The following PCBP3 variants were observed in gnomAD, a reference collection of about 807,000 sequenced individuals.
PCBP3 encodes the protein poly(rC)-binding protein 3.
A neutral mutation model predicts 52.7 loss-of-function variants in PCBP3; 25 were observed. The ratio of observed to expected loss-of-function variants is 0.47; its 90% CI spans 0.35 to 0.66. The LOEUF is 0.66. Ranked by LOEUF, PCBP3 falls within the 30% of genes least tolerant of loss-of-function variation. The probability of loss-of-function intolerance (pLI) is 0.01; values close to 1 mark genes in which losing one functional copy is unlikely to be tolerated. For missense variants in PCBP3, 391 were observed against 490.3 expected (o/e 0.80, Z 1.91); for synonymous variants, 162 against 183.0 (o/e 0.89, Z 0.93).
chr21:45,918,091 A>C, intron 13 of PCBP3: 6 of 235,494 alleles, frequency 2.5e-5, no homozygotes, highest in Non-Finnish European at 5.1e-5. Flanking sequence ...CCACATGAAA[A>C]CATAGGGTCC....
intron 4 of PCBP3, among the ~76,000 whole-genome samples, chr21:45,807,236 G>A (rs2092534993): frequency 6.6e-6 from 1 of 152,188 alleles, no homozygotes; most frequent in East Asian, 1.9e-4. Context: ...TAGGAAGAAA[G>A]GAAGTCAAAT....
At chr21:45,654,390 G>C (rs1454982527) in intron 1 of PCBP3, among the ~76,000 whole-genome samples, 4 of 146,822 alleles carry the variant, frequency 2.7e-5, no homozygotes, top group Non-Finnish European at 5.9e-5. Context: ...TGCCAGGCTG[G>C]AGTGCAGTGA....
chr21:45,891,372 A>G (rs553043127), intron 5 of PCBP3, among the ~76,000 whole-genome samples: 23 of 152,366 alleles, frequency 1.5e-4, no homozygotes, highest in African/African-American at 5.5e-4. Context: ...GTTGAGTGGA[A>G]GAGCCAGTGG....
Position 45,835,113 on chromosome 21 carries a change from T to A in PCBP3, c.-125-14848T>A, listed in dbSNP as rs9981141. Among the ~76,000 whole-genome samples, 366 of 152,234 alleles carry A rather than the reference T, an allele frequency of 2.4e-3. 1 individual carries two copies. Among genetic ancestry groups the A allele is most frequent in the African/African-American group, 8.4e-3 (351 of 41,558 alleles). ...GTTCCTGTGGGTTCATTTATGAGGATGTAGGAATCATAGGAGTTAGGTACA... is the reference window on the plus strand; with the variant it reads ...GTTCCTGTGGGTTCATTTATGAGGAAGTAGGAATCATAGGAGTTAGGTACA... On this transcript the variant is annotated intron_variant, in intron 4 of 17. Coordinates refer to ENST00000681687, the MANE Select transcript of PCBP3 (RefSeq NM_001384156.1).
At chr21:45,909,049 G>C (rs1002421614) in intron 9 of PCBP3, among the ~76,000 whole-genome samples, 6 of 151,952 alleles carry the variant, frequency 3.9e-5, no homozygotes, top group African/African-American at 1.5e-4. Context: ...CACACTTCCT[G>C]TATCAGCCTG....
chr21:45,898,728 C>T (rs1158019812), intron 6 of PCBP3, among the ~76,000 whole-genome samples: 3 of 50,132 alleles, frequency 6.0e-5, no homozygotes, highest in African/African-American at 4.0e-4. Flanking sequence ...TCTGCCTCCA[C>T]GGGCCCCTCT....
intron 5 of PCBP3, among the ~76,000 whole-genome samples, chr21:45,863,348 T>G (rs2094579150): frequency 6.6e-6 from 1 of 152,218 alleles, no homozygotes; most frequent in African/African-American, 2.4e-5. Flanking sequence ...AGCTCGTGTC[T>G]TAGGAGCTGT....
intron 2 of PCBP3, among the ~76,000 whole-genome samples, chr21:45,709,957 A>G (rs866583758): frequency 5.3e-5 from 8 of 151,950 alleles, no homozygotes; most frequent in South Asian, 2.1e-4. Flanking sequence ...ATCTGCTGGG[A>G]TCTGGTGTTT....
chr21:45,911,613 G>GA (rs1349346735), intron 11 of PCBP3, among the ~76,000 whole-genome samples: 1 of 152,094 alleles, frequency 6.6e-6, no homozygotes, highest in African/African-American at 2.4e-5. Flanking sequence ...TCGGGGGGAG[G>GA]AAAAAACTCA....
At chr21:45,906,787 T>C (rs924450875) in intron 9 of PCBP3, among the ~76,000 whole-genome samples, 7 of 152,230 alleles carry the variant, frequency 4.6e-5, no homozygotes, top group Non-Finnish European at 8.8e-5. Flanking sequence ...CTCTGCCTAC[T>C]AAATTTTCAG....
rs1337304479 is a variant in PCBP3, at chr21:45,791,338, A to G, written c.-126+35886A>G. Among the ~76,000 whole-genome samples the G allele has an allele frequency of 6.6e-6, 1 of 152,214 alleles. No individual in the cohort carries two copies. Among genetic ancestry groups the G allele is most frequent in the Non-Finnish European group, 1.5e-5 (1 of 68,028 alleles). On this transcript the variant is annotated intron_variant, in intron 4 of 17. Coordinates refer to ENST00000681687, the MANE Select transcript of PCBP3 (RefSeq NM_001384156.1). This position sits in a 1 kb window ranked among gnomAD's most constrained non-coding sequence, Gnocchi z 4.2. The stretch of plus-strand genomic sequence containing the variant: ...GCCAGCCCAGGGAGTGAGTGTGGTC[A>G]CTGGTGTGTGTGGCCTGCCTGTGGT...
intron 1 of PCBP3, among the ~76,000 whole-genome samples, chr21:45,657,755 T>TATTA (rs2080111530): frequency 6.6e-6 from 1 of 152,148 alleles, no homozygotes; most frequent in Non-Finnish European, 1.5e-5. Flanking sequence ...AGGTTAACAA[T>TATTA]ATTAAGTTTT....
At chr21:45,824,043 G>C (rs1212675073) in intron 4 of PCBP3, among the ~76,000 whole-genome samples, 1 of 152,148 alleles carries the variant, frequency 6.6e-6, no homozygotes, top group Non-Finnish European at 1.5e-5. Flanking sequence ...GGCTCGGCCT[G>C]TTTGTTTCTT....
intron 3 of PCBP3, among the ~76,000 whole-genome samples, chr21:45,740,101 G>A (rs541076593): frequency 4.7e-4 from 70 of 147,922 alleles, no homozygotes; most frequent in Non-Finnish European, 8.9e-4. Flanking sequence ...CTCAGCTGGC[G>A]TCTATGCCTC....
At chr21:45,874,610 A>G (rs1179704003) in intron 5 of PCBP3, among the ~76,000 whole-genome samples, 1 of 150,068 alleles carries the variant, frequency 6.7e-6, no homozygotes, top group African/African-American at 2.5e-5. Context: ...GGTTCAAACG[A>G]TTCTCCTGCT....
chr21:45,807,690 A>C (rs1339810449), intron 4 of PCBP3, among the ~76,000 whole-genome samples: 1 of 152,034 alleles, frequency 6.6e-6, no homozygotes, highest in Admixed American at 6.5e-5. Flanking sequence ...ACTACTCTAA[A>C]TTTCATATGG....
chr21:45,929,720 G>A lies in PCBP3; in HGVS notation c.718-197G>A, dbSNP rs930979712. 5.3e-5 allele frequency among the ~76,000 whole-genome samples: 8 copies of A among 152,214 alleles called. No individual in the cohort carries two copies. In the East Asian group the frequency reaches 7.7e-4, roughly 15 times the overall value. On this transcript the variant is annotated intron_variant, in intron 13 of 17. Transcript: ENST00000681687. ...CTTCCGGAGCTGCCTTCTGCACGCC[G>A]GGCATTGGCCTGCTCACAGCCTGGA...
At chr21:45,744,896 A>G (rs953295535) in intron 3 of PCBP3, among the ~76,000 whole-genome samples, 9 of 152,130 alleles carry the variant, frequency 5.9e-5, no homozygotes, top group African/African-American at 2.2e-4. Context: ...TTTTGTTGTT[A>G]AGTTTCTACT....
chr21:45,693,862 G>C (rs1358999333), intron 2 of PCBP3, among the ~76,000 whole-genome samples: 2 of 152,012 alleles, frequency 1.3e-5, no homozygotes, highest in Non-Finnish European at 2.9e-5. Context: ...ACACAAGAAA[G>C]GGTAAATATA....
Sources: allele counts gnomAD v4.1 joint callset (sites outside exome capture counted in the v4.1 genomes callset), GRCh38; gene constraint gnomAD v4.1.1; non-coding constraint Gnocchi (gnomAD v3.1); transcripts MANE v1.5; gene names NCBI Gene and HGNC (gene_info 2026-07-23, HGNC 2026-07-21).